The following NOTCH4 variants were observed in gnomAD, a reference collection of about 807,000 sequenced individuals.
NOTCH4 encodes notch receptor 4, also known as neurogenic locus notch homolog protein 4.
A neutral mutation model predicts 189.0 loss-of-function variants in NOTCH4; 138 were observed. That is an observed-to-expected ratio of 0.73 (90% CI 0.64 to 0.84). The LOEUF is 0.84. NOTCH4 is among the 40% of genes least tolerant of loss of function. The probability of loss-of-function intolerance (pLI) is 0.00; values close to 1 mark genes in which losing one functional copy is unlikely to be tolerated. For missense variants in NOTCH4, 2,286 were observed against 2,605.4 expected (o/e 0.88, Z 2.67); for synonymous variants, 942 against 1,032.8 (o/e 0.91, Z 1.69).
At chr6:32,213,011 G>C (rs1235323683) in intron 15 of NOTCH4, 100 bp from the exon 16 acceptor site, 3 of 1,307,610 alleles carry the variant, frequency 2.3e-6, no homozygotes, top group Admixed American at 1.8e-5. Flanking sequence ...GAGGTGGCAA[G>C]CCAGGAGGGA....
chr6:32,219,463 A>G, intron 8 of NOTCH4, 129 bp downstream of exon 8: 1 of 820,912 alleles, frequency 1.2e-6, no homozygotes, highest in South Asian at 1.8e-5. Context: ...GTCTGGGGGT[A>G]GAGAGAGAAG....
chr6:32,198,533 C>G lies in NOTCH4; in HGVS notation c.4644G>C (p.Thr1548=). The change falls in exon 26 of 30, where the codon ACG becomes ACC. Residue 1548 remains threonine, a synonymous_variant. Coordinates refer to ENST00000375023, the MANE Select transcript of NOTCH4 (RefSeq NM_004557.4). The surrounding 1 kb of genome is among the most constrained non-coding windows in gnomAD (Gnocchi z 5.5). ...GQAEETGPPS[T]CQLWSLSGGC... is the part of the protein sequence containing the mutation. ...CACCACTCAGAGACCAGAGCTGGCACGTGGAGGGTGGGCCTGTTTCTTCAG... is the reference window on the plus strand; with the variant it reads ...CACCACTCAGAGACCAGAGCTGGCAGGTGGAGGGTGGGCCTGTTTCTTCAG... The G allele has an allele frequency of 6.2e-7, 1 of 1,612,958 alleles. No homozygotes were observed. Among genetic ancestry groups the G allele is most frequent in the Non-Finnish European group, 8.5e-7 (1 of 1,179,996 alleles).
At chr6:32,207,049 C>A (rs1201571117) in intron 18 of NOTCH4, among the ~76,000 whole-genome samples, 5 of 151,670 alleles carry the variant, frequency 3.3e-5, no homozygotes, top group Non-Finnish European at 5.9e-5. Context: ...CCTGCCTCAG[C>A]CTCCTGAGTA....
intron 26 of NOTCH4, 26 bp from the exon 27 acceptor site, chr6:32,197,620 C>A (rs1326114228): frequency 1.3e-6 from 2 of 1,585,506 alleles, no homozygotes; most frequent in South Asian, 1.1e-5. Context: ...AGTAATGGGT[C>A]AATCTAAAGG....
rs1418529062 is a variant in NOTCH4 at position 32,222,702 on chromosome 6, G to A, written c.260C>T (p.Pro87Leu). The change falls in exon 3 of 30, where the codon CCC (proline) becomes CTC (leucine). Residue 87 changes from proline (P) to leucine (L), a missense_variant. Coordinates refer to ENST00000375023, the MANE Select transcript of NOTCH4 (RefSeq NM_004557.4). The stretch of plus-strand genomic sequence containing the variant: ...AGAGGGAGAGCTGGGGAGCCCTAGG[G>A]GAGCGGGAAGCAGGGCTTGGCAGCT... ...GGSCQALLPA[P>L]LGLPSSPSPL... 1 of 1,608,356 alleles carries A rather than the reference G, an allele frequency of 6.2e-7. No individual in the cohort carries two copies.
intron 1 of NOTCH4, 76 bp from the exon 2 acceptor site, chr6:32,223,162 G>A: frequency 9.1e-7 from 1 of 1,095,740 alleles, no homozygotes; most frequent in South Asian, 1.2e-5. Flanking sequence ...GTGCTCCTGA[G>A]AGACCTGCCC....
Position 32,212,618 on chromosome 6 carries a change from C to G in NOTCH4, c.2536G>C (p.Asp846His), listed in dbSNP as rs2127477608. 1 of 1,610,812 alleles carries G rather than the reference C, an allele frequency of 6.2e-7. No individual in the cohort carries two copies. The highest frequency in any genetic ancestry group is 8.5e-7 in the Non-Finnish European group (1 of 1,178,806). ...YTGGSCQTLM[D>H]LCAQKPCPRN... Reference sequence around the variant, plus strand: ...GGGCAGGGCTTCTGGGCACATAAGTCCATCAGAGTCTGAGGGGTGGGAGGG... The same window carrying G: ...GGGCAGGGCTTCTGGGCACATAAGTGCATCAGAGTCTGAGGGGTGGGAGGG... The change falls in exon 17 of 30, where the codon GAC becomes CAC. Residue 846 changes from aspartate to histidine, a missense_variant. Asp to His is a moderately conservative substitution (Grantham distance 81). Around this residue, in one of 2 missense-constraint regions of NOTCH4, gnomAD observed 1,903 missense variants for 2,261.9 expected, o/e 0.84. Coordinates refer to ENST00000375023, the MANE Select transcript of NOTCH4 (RefSeq NM_004557.4). This position sits in a 1 kb window ranked among gnomAD's most constrained non-coding sequence, Gnocchi z 4.4.
intron 1 of NOTCH4, 149 bp from the exon 2 acceptor site, chr6:32,223,235 G>A (rs1051108872): frequency 1.0e-5 from 7 of 682,444 alleles, no homozygotes; most frequent in Non-Finnish European, 1.6e-5. Context: ...CTCTCCACAT[G>A]GTACCCAGCC....
chr6:32,223,129 T>C, intron 1 of NOTCH4, 43 bp from the exon 2 acceptor site: 1 of 1,469,450 alleles, frequency 6.8e-7, no homozygotes, highest in East Asian at 2.3e-5. Context: ...CTGGGTGCTG[T>C]GCCTCCACCT....
rs568309401 is a variant in NOTCH4, at chr6:32,212,375, G to A, written c.2680+99C>T. On this transcript the variant is annotated intron_variant, in intron 17 of 29. Coordinates refer to ENST00000375023, the MANE Select transcript of NOTCH4 (RefSeq NM_004557.4). The surrounding 1 kb of genome is among the most constrained non-coding windows in gnomAD (Gnocchi z 4.4). Reference sequence around the variant, plus strand: ...GTGTGGTTTTGATTCTCAGATGGTTGTTTTGGCCAAAAGCTGTGTGGAAGC... The same window carrying A: ...GTGTGGTTTTGATTCTCAGATGGTTATTTTGGCCAAAAGCTGTGTGGAAGC... 1.6e-6 allele frequency: 2 copies of A among 1,225,190 alleles called. No homozygotes were observed. Among genetic ancestry groups the A allele is most frequent in the Admixed American group, 4.8e-5 (2 of 42,014 alleles). 75.9% of individuals were successfully genotyped at this position (1,225,190 alleles called of 1,614,324 possible). A position where few individuals can be genotyped will look rare whatever the true frequency, so the allele number is the denominator to read the frequency against.
In NOTCH4 at chr6:32,201,651, T is replaced by A; in HGVS notation, c.3756-151A>T. On this transcript the variant is annotated intron_variant, in intron 21 of 29. Coordinates refer to ENST00000375023, the MANE Select transcript of NOTCH4 (RefSeq NM_004557.4). The surrounding 1 kb of genome is among the most constrained non-coding windows in gnomAD (Gnocchi z 5.5). ...GCAATGAGCTTAGTCAAGTCCTGGA[T>A]GGTAGTCCAGACACCCCAATGTCTG... 1 of 652,372 alleles carries A rather than the reference T, an allele frequency of 1.5e-6. No homozygotes were observed. The highest frequency in any genetic ancestry group is 3.2e-5 in the East Asian group (1 of 31,574). 40.4% of individuals were successfully genotyped at this position (652,372 alleles called of 1,614,324 possible). A position where few individuals can be genotyped will look rare whatever the true frequency, so the allele number is the denominator to read the frequency against.
At position 32,217,004 on chromosome 6, in the gene NOTCH4, C is replaced by T. The variant is rs762081312; in HGVS notation, c.1802G>A (p.Gly601Glu). ...DECLSDPCPV[G>E]ASCLDLPGAF... Reference sequence around the variant, plus strand: ...TCCTGGAAGATCAAGGCAGCTGGCTCCAACGGGACATGGGTCACTCAGGCA... The same window carrying T: ...TCCTGGAAGATCAAGGCAGCTGGCTTCAACGGGACATGGGTCACTCAGGCA... Residue 601 changes from glycine (G) to glutamate (E), a missense_variant, in exon 11 of 30, where the codon GGA becomes GAA. Gly to Glu is a moderately conservative substitution (Grantham distance 98). This residue lies in a region of NOTCH4 where 1,903 missense variants were observed against 2,261.9 expected (regional missense o/e 0.84). Coordinates refer to ENST00000375023, the MANE Select transcript of NOTCH4 (RefSeq NM_004557.4). This position sits in a 1 kb window ranked among gnomAD's most constrained non-coding sequence, Gnocchi z 4.2. 1.2e-5 allele frequency: 20 copies of T among 1,612,990 alleles called. No individual in the cohort carries two copies. Among genetic ancestry groups the T allele is most frequent in the Non-Finnish European group, 1.5e-5 (18 of 1,180,050 alleles).
chr6:32,196,678 C>G (rs570962471), intron 28 of NOTCH4, among the ~76,000 whole-genome samples: 541 of 152,272 alleles, frequency 3.6e-3, no homozygotes, highest in Non-Finnish European at 5.8e-3. Context: ...GATTCCCCCC[C>G]CTTTCCACAG....
At position 32,195,180 on chromosome 6, in the gene NOTCH4, C is replaced by G; in HGVS notation, c.*257G>C. 4.0e-6 allele frequency: 2 copies of G among 501,602 alleles called. No individual in the cohort carries two copies. The highest frequency in any genetic ancestry group is 3.5e-6 in the Non-Finnish European group (1 of 286,380). 31.1% of individuals were successfully genotyped at this position (501,602 alleles called of 1,614,324 possible). On this transcript the variant is annotated 3_prime_UTR_variant, in exon 30 of 30. Transcript: ENST00000375023. This position sits in a 1 kb window ranked among gnomAD's most constrained non-coding sequence, Gnocchi z 5.4. ...CCAACTTAGGGGTATTTCCACTCCA[C>G]TCTGCCCTCCTGTGGCCTGTCTTAT...
chr6:32,200,854 G>T lies in NOTCH4; in HGVS notation c.4292C>A (p.Ala1431Asp). 2 of 1,607,770 alleles carry T rather than the reference G, an allele frequency of 1.2e-6. No homozygotes were observed. Among genetic ancestry groups the T allele is most frequent in the Non-Finnish European group, 1.7e-6 (2 of 1,177,620 alleles). ...ACCGGTCCCTGCATGAGGGTGGACA[G>T]CCAGCAGTGGTCCAGGCAGCAGGGG... ...LEPLLPGPLL[A>D]VHPHAGTAPP... The change falls in exon 23 of 30, where the codon GCT becomes GAT. Residue 1431 changes from alanine to aspartate, a missense_variant. Ala to Asp is a moderately radical substitution (Grantham distance 126, BLOSUM62 -2). Transcript: ENST00000375023. This position sits in a 1 kb window ranked among gnomAD's most constrained non-coding sequence, Gnocchi z 5.0.
In NOTCH4 at chr6:32,195,879, GC is replaced by G; in HGVS notation, c.5569del (p.Ala1857LeufsTer28). 6.3e-6 allele frequency: 10 copies of G among 1,592,272 alleles called. No individual in the cohort carries two copies. Among genetic ancestry groups the G allele is most frequent in the Non-Finnish European group, 8.5e-6 (10 of 1,176,378 alleles). ...TGACAGCGTCCGGCAGCGCGGCAGA[GC>G]CCCGCCCCCATGCGGGGGCACGCTT... Reference protein sequence around the residue: ...SVSVPPHGGGALPRCRTLSAG... With the variant: ...SVSVPPHGGGXLPRCRTLSAG... On this transcript the variant is annotated frameshift_variant, in exon 30 of 30. Transcript: ENST00000375023. LOFTEE classifies it low-confidence loss of function (END_TRUNC). The surrounding 1 kb of genome is among the most constrained non-coding windows in gnomAD (Gnocchi z 5.4).
chr6:32,212,646 C>G lies in NOTCH4; in HGVS notation c.2527-19G>C, dbSNP rs776678401. 1 of 1,600,452 alleles carries G rather than the reference C, an allele frequency of 6.2e-7. No individual in the cohort carries two copies. The highest frequency in any genetic ancestry group is 8.5e-7 in the Non-Finnish European group (1 of 1,173,620). ...TCAGAGTCTGAGGGGTGGGAGGGAGCGTGAGGCAGGACATAGCATCAGATT... is the reference window on the plus strand; with the variant it reads ...TCAGAGTCTGAGGGGTGGGAGGGAGGGTGAGGCAGGACATAGCATCAGATT... On this transcript the variant is annotated intron_variant, in intron 16 of 29. Transcript: ENST00000375023. This position sits in a 1 kb window ranked among gnomAD's most constrained non-coding sequence, Gnocchi z 4.4.
chr6:32,214,097 G>T lies in NOTCH4; in HGVS notation c.2167+13C>A. The T allele has an allele frequency of 1.9e-6, 3 of 1,603,654 alleles. No homozygotes were observed. The highest frequency in any genetic ancestry group is 2.6e-6 in the Non-Finnish European group (3 of 1,175,136). On this transcript the variant is annotated intron_variant, in intron 13 of 29. Coordinates refer to ENST00000375023, the MANE Select transcript of NOTCH4 (RefSeq NM_004557.4). ...ACCAGCACAGGGTGTATATGGTTTA[G>T]GGAGGGTCTCACCTGTGTAGCCTGT...
At position 32,194,877 on chromosome 6, in the gene NOTCH4, A is replaced by G. The variant is rs1787752602; in HGVS notation, c.*560T>C. 4.3e-6 allele frequency: 1 copy of G among 233,380 alleles called. No individual in the cohort carries two copies. The highest frequency in any genetic ancestry group is 5.6e-5 in the Admixed American group (1 of 17,768). The allele number at this position is 233,380 out of a possible 1,614,324, so 14.5% of individuals were successfully genotyped here. ...AAATCAGCTTTATTATGGGTGACAG[A>G]TTTAGGGTTCTTAAATAGCGATAGC... is the stretch of plus-strand genomic sequence containing the variant. On this transcript the variant is annotated 3_prime_UTR_variant, in exon 30 of 30. Coordinates refer to ENST00000375023, the MANE Select transcript of NOTCH4 (RefSeq NM_004557.4). The surrounding 1 kb of genome is among the most constrained non-coding windows in gnomAD (Gnocchi z 4.5).
Sources: gnomAD v4.1 joint callset for allele counts (sites outside exome capture counted in the v4.1 genomes callset) on GRCh38, gnomAD v4.1.1 for gene constraint, gnomAD v4.1.1 regional missense constraint, Gnocchi (gnomAD v3.1) non-coding constraint, MANE v1.5 for transcripts, NCBI Gene and HGNC (gene_info 2026-07-23, HGNC 2026-07-21) for gene names.